The following ATRNL1 variants were observed in gnomAD, a reference collection of about 807,000 sequenced individuals.
ATRNL1 encodes the protein attractin-like protein 1.
Under a neutral mutation model 182.7 loss-of-function variants are expected in ATRNL1, and 95 were observed. The observed-to-expected ratio is 0.52, with a 90% CI of 0.44 to 0.62. The LOEUF is 0.62. Ranked by LOEUF, ATRNL1 falls within the 20% of genes least tolerant of loss-of-function variation. The pLI, the probability that ATRNL1 is intolerant of heterozygous loss-of-function variation, is 0.00. For missense variants in ATRNL1, 1,471 were observed against 1,679.5 expected, an observed-to-expected ratio of 0.88 and a Z score of 2.17; for synonymous variants, 576 against 568.3, an observed-to-expected ratio of 1.01 and a Z score of -0.19.
chr10:115,477,613 G>T (rs1848592332), intron 24 of ATRNL1, among the ~76,000 whole-genome samples: 1 of 151,422 alleles, frequency 6.6e-6, no homozygotes. Flanking sequence ...TATGGGACTT[G>T]GATTCACAAC....
At chr10:115,833,923 CAT>C (rs1950611743) in intron 27 of ATRNL1, among the ~76,000 whole-genome samples, 1 of 152,204 alleles carries the variant, frequency 6.6e-6, no homozygotes, top group Non-Finnish European at 1.5e-5. Flanking sequence ...TGCTCTTCAC[CAT>C]ATGTGTTCAT....
chr10:115,457,325 T>C (rs1847574505), intron 21 of ATRNL1, among the ~76,000 whole-genome samples: 1 of 151,870 alleles, frequency 6.6e-6, no homozygotes, highest in Non-Finnish European at 1.5e-5. Flanking sequence ...AGCATTCAAT[T>C]AGTTAAAAGG....
At chr10:115,165,979 T>C (rs918059268) in intron 7 of ATRNL1, among the ~76,000 whole-genome samples, 15 of 152,128 alleles carry the variant, frequency 9.9e-5, no homozygotes, top group African/African-American at 3.6e-4. Flanking sequence ...ATTAAGTACA[T>C]TGACATTGCT....
chr10:115,425,293 T>A (rs1023189987), intron 20 of ATRNL1, among the ~76,000 whole-genome samples: 1 of 150,416 alleles, frequency 6.6e-6, no homozygotes, highest in African/African-American at 2.5e-5. Flanking sequence ...TAACTAGAGT[T>A]GAAATATATG....
At chr10:115,374,583 A>G (rs1857574100) in intron 19 of ATRNL1, among the ~76,000 whole-genome samples, 1 of 140,120 alleles carries the variant, frequency 7.1e-6, no homozygotes, top group Admixed American at 7.3e-5. Context: ...TAGGCTGTTT[A>G]TTTGAGAACG....
intron 11 of ATRNL1, among the ~76,000 whole-genome samples, chr10:115,266,526 G>A (rs1207488345): frequency 6.6e-6 from 1 of 151,284 alleles, no homozygotes; most frequent in Non-Finnish European, 1.5e-5. Context: ...AATAAAACAT[G>A]TTTTGAAGAC....
At chr10:115,151,162 A>G (rs1554880475) in intron 5 of ATRNL1, among the ~76,000 whole-genome samples, 1 of 152,212 alleles carries the variant, frequency 6.6e-6, no homozygotes, top group Non-Finnish European at 1.5e-5. Flanking sequence ...TGCTATTGTG[A>G]ATAGTGCCGC....
intron 27 of ATRNL1, among the ~76,000 whole-genome samples, chr10:115,789,750 A>G (rs1555081230): frequency 1.3e-5 from 2 of 152,162 alleles, no homozygotes; most frequent in Non-Finnish European, 2.9e-5. Context: ...CCTGCTTCCT[A>G]CGCCAGGGCA....
At chr10:115,540,755 C>G (rs1428093317) in intron 25 of ATRNL1, among the ~76,000 whole-genome samples, 2 of 75,782 alleles carry the variant, frequency 2.6e-5, no homozygotes, top group Non-Finnish European at 5.4e-5. Context: ...AAAACTCCGT[C>G]TAAAAAAAAA....
chr10:115,295,621 A>G (rs900663501), intron 15 of ATRNL1, among the ~76,000 whole-genome samples: 1 of 152,050 alleles, frequency 6.6e-6, no homozygotes, highest in Non-Finnish European at 1.5e-5. Context: ...CTAGGGGCGT[A>G]TTAGCTGCAC....
intron 8 of ATRNL1, among the ~76,000 whole-genome samples, chr10:115,190,117 C>T (rs1235561963): frequency 6.6e-6 from 1 of 152,066 alleles, no homozygotes; most frequent in Non-Finnish European, 1.5e-5. Flanking sequence ...GAAGTATACT[C>T]TATGATGTTC....
chr10:115,689,382 A>G (rs1946319616), intron 26 of ATRNL1, among the ~76,000 whole-genome samples: 1 of 152,094 alleles, frequency 6.6e-6, no homozygotes, highest in Admixed American at 6.6e-5. Context: ...GTAGGCATTT[A>G]TTGCTAAAAA....
intron 26 of ATRNL1, among the ~76,000 whole-genome samples, chr10:115,715,253 G>A (rs1470941810): frequency 1.3e-5 from 2 of 152,110 alleles, no homozygotes; most frequent in East Asian, 1.9e-4. Context: ...TCAAGTTTTG[G>A]GTAAGTTTTG....
At chr10:115,239,225 T>C (rs1592306841) in intron 9 of ATRNL1, among the ~76,000 whole-genome samples, 1 of 151,996 alleles carries the variant, frequency 6.6e-6, no homozygotes, top group African/African-American at 2.4e-5. Context: ...CTAGAGATTA[T>C]TTTATTTTAT....
intron 27 of ATRNL1, among the ~76,000 whole-genome samples, chr10:115,807,951 A>T (rs1555086010): frequency 6.6e-6 from 1 of 152,210 alleles, no homozygotes; most frequent in African/African-American, 2.4e-5. Context: ...GGTTTCTCTT[A>T]CAATTACAGC....
intron 24 of ATRNL1, among the ~76,000 whole-genome samples, chr10:115,494,014 T>A (rs918372366): frequency 6.6e-6 from 1 of 152,178 alleles, no homozygotes; most frequent in Admixed American, 6.5e-5. Context: ...TGGTTATAAA[T>A]CCTTAGACCA....
chr10:115,225,475 TTAATATAATATAATA>T, intron 9 of ATRNL1, among the ~76,000 whole-genome samples: 1 of 143,432 alleles, frequency 7.0e-6, no homozygotes, highest in South Asian at 2.2e-4. Context: ...ATAAGGCAGA[TTAATATAATATAATA>T]TAATATAATA....
At chr10:115,582,366 G>A (rs1343691523) in intron 26 of ATRNL1, among the ~76,000 whole-genome samples, 1 of 140,666 alleles carries the variant, frequency 7.1e-6, no homozygotes, top group Non-Finnish European at 1.6e-5. Flanking sequence ...CACCAACAGT[G>A]TAAAAGTGTT....
intron 5 of ATRNL1, among the ~76,000 whole-genome samples, chr10:115,138,918 GC>G (rs1348407564): frequency 1.7e-4 from 26 of 152,240 alleles, no homozygotes; most frequent in African/African-American, 6.0e-4. Flanking sequence ...AAAACTGAAT[GC>G]CTTTAACAGA....
Sources: gnomAD v4.1 joint callset for allele counts (sites outside exome capture counted in the v4.1 genomes callset) on GRCh38, gnomAD v4.1.1 for gene constraint, MANE v1.5 for transcripts, NCBI Gene and HGNC (gene_info 2026-07-23, HGNC 2026-07-21) for gene names.